Variants in THSD7B observed in about 807,000 individuals in gnomAD.
The protein encoded by THSD7B is thrombospondin type-1 domain-containing protein 7B.
Under a neutral mutation model 213.6 loss-of-function variants are expected in THSD7B, and 138 were observed. The observed-to-expected ratio is 0.65, with a 90% CI of 0.56 to 0.74. The LOEUF (loss-of-function observed/expected upper bound fraction) is 0.74. Among genes scored for constraint, THSD7B ranks in the 30% least tolerant of loss-of-function variants. THSD7B has a pLI of 0.00. For synonymous variants in THSD7B, 742 were observed against 687.0 expected (o/e 1.08, Z -1.25); for missense variants, 1,931 against 1,991.5 (o/e 0.97, Z 0.58).
At chr2:137,203,785 TCTTA>T (rs1189423742) in intron 7 of THSD7B, among the ~76,000 whole-genome samples, 2 of 152,134 alleles carry the variant, frequency 1.3e-5, no homozygotes, top group South Asian at 2.1e-4. Flanking sequence ...GCAGTGTATT[TCTTA>T]CTTTTAATTG....
At chr2:137,507,559 A>G (rs753375457) in intron 15 of THSD7B, among the ~76,000 whole-genome samples, 7 of 152,228 alleles carry the variant, frequency 4.6e-5, no homozygotes, top group Non-Finnish European at 1.0e-4. Flanking sequence ...GATTGTAATA[A>G]GGGCCTGAAT....
intron 12 of THSD7B, among the ~76,000 whole-genome samples, chr2:137,358,462 C>A (rs1007921578): frequency 6.6e-6 from 1 of 152,158 alleles, no homozygotes; most frequent in Non-Finnish European, 1.5e-5. Context: ...TACACCTACT[C>A]AGAGGACCGA....
At chr2:137,258,864 C>G (rs1435129123) in intron 10 of THSD7B, among the ~76,000 whole-genome samples, 2 of 151,568 alleles carry the variant, frequency 1.3e-5, no homozygotes, top group Non-Finnish European at 2.9e-5. Flanking sequence ...GGCCCTGAAG[C>G]GTGTTGTTCC....
intron 2 of THSD7B, among the ~76,000 whole-genome samples, chr2:136,941,880 G>C (rs985086681): frequency 3.9e-5 from 6 of 152,092 alleles, no homozygotes; most frequent in Non-Finnish European, 7.4e-5. Flanking sequence ...TTTGGCTTTT[G>C]TTGCCATTGC....
In THSD7B at chr2:137,104,925, C is replaced by T. The variant is rs1688218640; in HGVS notation, c.1199+9804C>T. Among the ~76,000 whole-genome samples, 4 of 152,086 alleles carry T rather than the reference C, an allele frequency of 2.6e-5. No individual in the cohort carries two copies. In the South Asian group the frequency reaches 8.3e-4, roughly 32 times the overall value. ...ATTGAGGCAATAATTAATAGCCTACCAACCAAAAAAATTGCAGGACCAAAC... is the reference window on the plus strand; with the variant it reads ...ATTGAGGCAATAATTAATAGCCTACTAACCAAAAAAATTGCAGGACCAAAC... On this transcript the variant is annotated intron_variant, in intron 4 of 27. Transcript: ENST00000409968.
At chr2:137,653,852 T>C (rs917833720) in intron 21 of THSD7B, among the ~76,000 whole-genome samples, 3 of 152,166 alleles carry the variant, frequency 2.0e-5, no homozygotes, top group African/African-American at 7.2e-5. Flanking sequence ...TAGAGTATTC[T>C]AGAAATTGTT....
intron 6 of THSD7B, among the ~76,000 whole-genome samples, chr2:137,166,605 C>A (rs540432085): frequency 6.6e-6 from 1 of 152,264 alleles, no homozygotes; most frequent in African/African-American, 2.4e-5. Context: ...GGACAAGATA[C>A]TTTGAAACTG....
intron 14 of THSD7B, among the ~76,000 whole-genome samples, chr2:137,420,148 G>A (rs930463649): frequency 1.3e-5 from 2 of 152,088 alleles, no homozygotes; most frequent in Non-Finnish European, 2.9e-5. Context: ...TTTTACTGGA[G>A]TGAGATGATA....
At chr2:137,393,796 A>G (rs1686104551) in intron 12 of THSD7B, among the ~76,000 whole-genome samples, 2 of 141,164 alleles carry the variant, frequency 1.4e-5, no homozygotes, top group African/African-American at 5.2e-5. Flanking sequence ...AAGTGTTCCC[A>G]TTTCTCCACA....
In THSD7B at chr2:137,656,918, G is replaced by T; in HGVS notation, c.4228G>T (p.Glu1410Ter). 1 of 1,613,992 alleles carries T rather than the reference G, an allele frequency of 6.2e-7. No homozygotes were observed. The highest frequency in any genetic ancestry group is 8.5e-7 in the Non-Finnish European group (1 of 1,179,880). The part of the protein sequence containing the change: ...RSRTFIIQSF[E>*]NQDSCPQQVL... ...AAGGACTTTTATAATTCAGTCTTTT[G>T]AGAACCAAGACAGCTGCCCCCAACA... Residue 1410 changes from glutamate to a stop codon, truncating the protein, a stop_gained, in exon 23 of 28, where the codon GAG becomes TAG. Transcript: ENST00000409968. LOFTEE classifies it high-confidence loss of function.
intron 10 of THSD7B, among the ~76,000 whole-genome samples, chr2:137,264,061 A>G (rs1465659357): frequency 6.6e-6 from 1 of 152,186 alleles, no homozygotes; most frequent in Non-Finnish European, 1.5e-5. Flanking sequence ...TCAGCATAAC[A>G]CCAGCACCTA....
chr2:137,672,879 C>A (rs1683608658), intron 27 of THSD7B, among the ~76,000 whole-genome samples: 1 of 152,232 alleles, frequency 6.6e-6, no homozygotes, highest in East Asian at 1.9e-4. Context: ...GATGCCCCTT[C>A]TCCTCTGGCA....
intron 5 of THSD7B, among the ~76,000 whole-genome samples, chr2:137,116,927 T>C (rs1688455975): frequency 6.6e-6 from 1 of 152,196 alleles, no homozygotes; most frequent in Non-Finnish European, 1.5e-5. Context: ...TGGAAATTAA[T>C]ATCTGTGTTC....
intron 20 of THSD7B, among the ~76,000 whole-genome samples, chr2:137,637,417 T>C (rs940241119): frequency 1.8e-4 from 27 of 152,214 alleles, no homozygotes; most frequent in Non-Finnish European, 3.4e-4. Flanking sequence ...TAATTTTCTC[T>C]TACACTTGCA....
intron 1 of THSD7B, among the ~76,000 whole-genome samples, chr2:136,803,819 C>T (rs1682231813): frequency 6.6e-6 from 1 of 152,150 alleles, no homozygotes; most frequent in Admixed American, 6.5e-5. Context: ...TGAGCTCAAA[C>T]ACCCAAGAAC....
At chr2:137,115,453 G>C (rs1254033224) in intron 5 of THSD7B, among the ~76,000 whole-genome samples, 160 bp downstream of exon 5, 1 of 152,118 alleles carries the variant, frequency 6.6e-6, no homozygotes, top group African/African-American at 2.4e-5. Context: ...TCTTCCACTT[G>C]TAACACTTGG....
chr2:137,299,689 G>A (rs897570719), intron 12 of THSD7B, among the ~76,000 whole-genome samples: 4 of 134,386 alleles, frequency 3.0e-5, no homozygotes, highest in African/African-American at 1.3e-4. Context: ...ACAATACACT[G>A]TTTTCACACT....
chr2:136,807,228 G>A (rs1682297733), intron 1 of THSD7B, among the ~76,000 whole-genome samples: 2 of 152,104 alleles, frequency 1.3e-5, no homozygotes, highest in Non-Finnish European at 2.9e-5. Flanking sequence ...ATCTCCTTGA[G>A]GAGAGGAATA....
At chr2:136,861,358 C>T (rs534946861) in intron 1 of THSD7B, among the ~76,000 whole-genome samples, 1 of 152,322 alleles carries the variant, frequency 6.6e-6, no homozygotes, top group East Asian at 1.9e-4. Flanking sequence ...TCATTCCATT[C>T]ATATTTATTG....
Sources: allele counts gnomAD v4.1 joint callset (sites outside exome capture counted in the v4.1 genomes callset), GRCh38; gene constraint gnomAD v4.1.1; transcripts MANE v1.5; gene names NCBI Gene and HGNC (gene_info 2026-07-23, HGNC 2026-07-21).